Variants in SLC35F4 observed in about 807,000 individuals in gnomAD.
The protein encoded by SLC35F4 is solute carrier family 35 member F4, also known as chromosome 14 open reading frame 36.
SLC35F4 carries 24 observed loss-of-function variants against 44.2 expected under a neutral mutation model. The ratio of observed to expected loss-of-function variants is 0.54; its 90% CI spans 0.39 to 0.76. The LOEUF is 0.76. Among genes scored for constraint, SLC35F4 ranks in the 30% least tolerant of loss-of-function variants. SLC35F4 has a pLI of 0.00. For missense variants in SLC35F4, 562 were observed against 586.1 expected (o/e 0.96, Z 0.42); for synonymous variants, 238 against 223.6 (o/e 1.06, Z -0.57).
chr14:57,667,821 T>C (rs1428383274), intron 1 of SLC35F4, among the ~76,000 whole-genome samples: 4 of 151,282 alleles, frequency 2.6e-5, no homozygotes, highest in Non-Finnish European at 4.4e-5. Context: ...TATAGCAGCA[T>C]GATTTATAAT....
intron 1 of SLC35F4, among the ~76,000 whole-genome samples, chr14:57,935,684 G>T (rs540601813): frequency 6.6e-6 from 1 of 152,242 alleles, no homozygotes; most frequent in Non-Finnish European, 1.5e-5. Flanking sequence ...TTCAGATGTT[G>T]TTCTATTTGT....
At chr14:57,747,013 CACTTT>C (rs1419863101) in intron 1 of SLC35F4, among the ~76,000 whole-genome samples, 2 of 152,122 alleles carry the variant, frequency 1.3e-5, no homozygotes, top group Admixed American at 1.3e-4. Flanking sequence ...TGAGATAGTT[CACTTT>C]TTCTACATGA....
chr14:57,744,062 T>C (rs577147798), intron 1 of SLC35F4, among the ~76,000 whole-genome samples: 2 of 152,300 alleles, frequency 1.3e-5, no homozygotes, highest in South Asian at 2.1e-4. Context: ...AATTAGGTAT[T>C]GATGGGACGT....
chr14:57,920,523 T>C (rs1889420733), intron 1 of SLC35F4, among the ~76,000 whole-genome samples: 2 of 152,142 alleles, frequency 1.3e-5, no homozygotes, highest in African/African-American at 4.8e-5. Flanking sequence ...CAATGAGCAA[T>C]GATCACACGA....
At chr14:57,680,210 T>A (rs537360973) in intron 1 of SLC35F4, among the ~76,000 whole-genome samples, 25 of 152,262 alleles carry the variant, frequency 1.6e-4, no homozygotes, top group African/African-American at 6.0e-4. Context: ...GATGCAAGTC[T>A]GGTTCTACAT....
intron 1 of SLC35F4, among the ~76,000 whole-genome samples, chr14:57,813,241 A>G (rs1017999412): frequency 3.3e-5 from 5 of 152,212 alleles, no homozygotes. Flanking sequence ...GGCACTCTGC[A>G]GTATGGCCCT....
chr14:57,835,367 A>G (rs970350942), intron 1 of SLC35F4, among the ~76,000 whole-genome samples: 1 of 152,238 alleles, frequency 6.6e-6, no homozygotes. Context: ...CAGATAAAAC[A>G]GTGGATGGGA....
intron 1 of SLC35F4, among the ~76,000 whole-genome samples, chr14:57,624,576 T>C (rs558289949): frequency 6.6e-6 from 1 of 152,032 alleles, no homozygotes; most frequent in Non-Finnish European, 1.5e-5. Context: ...GAAAACCAAA[T>C]CCAGCAGCAC....
chr14:57,740,119 C>T (rs999649811), intron 1 of SLC35F4, among the ~76,000 whole-genome samples: 2 of 152,126 alleles, frequency 1.3e-5, no homozygotes, highest in Non-Finnish European at 1.5e-5. Flanking sequence ...CCTGGCCTCA[C>T]AAAGTGCTGG....
chr14:57,782,506 G>T (rs1488380877), intron 1 of SLC35F4, among the ~76,000 whole-genome samples: 4 of 152,128 alleles, frequency 2.6e-5, no homozygotes, highest in African/African-American at 9.7e-5. Context: ...TAAAATCTAT[G>T]GGTAAACAGA....
intron 1 of SLC35F4, among the ~76,000 whole-genome samples, chr14:57,628,753 G>C (rs1265634251): frequency 6.6e-6 from 1 of 152,058 alleles, no homozygotes; most frequent in African/African-American, 2.4e-5. Context: ...ACAATAATAA[G>C]AGTTTGGGCT....
At chr14:57,902,487 T>C (rs1050831894) in intron 1 of SLC35F4, among the ~76,000 whole-genome samples, 5 of 150,278 alleles carry the variant, frequency 3.3e-5, no homozygotes, top group Admixed American at 6.7e-5. Context: ...TGATTGAACC[T>C]GGGAGGTGGA....
At chr14:57,669,219 G>A (rs866891529) in intron 1 of SLC35F4, among the ~76,000 whole-genome samples, 1 of 151,916 alleles carries the variant, frequency 6.6e-6, no homozygotes, top group Non-Finnish European at 1.5e-5. Flanking sequence ...ATCAGCTTAA[G>A]GAGATTTTGG....
intron 1 of SLC35F4, among the ~76,000 whole-genome samples, chr14:57,702,813 T>A (rs2075575772): frequency 6.6e-6 from 1 of 152,110 alleles, no homozygotes; most frequent in South Asian, 2.1e-4. Context: ...ATTTTATGGA[T>A]GAGTATATTT....
intron 4 of SLC35F4, among the ~76,000 whole-genome samples, chr14:57,575,999 T>C (rs1020672060): frequency 1.9e-4 from 29 of 151,230 alleles, no homozygotes; most frequent in African/African-American, 7.0e-4. Context: ...TTTTTTTTTC[T>C]TTTTTCTTTT....
intron 1 of SLC35F4, among the ~76,000 whole-genome samples, chr14:57,937,734 T>C (rs1169100711): frequency 6.6e-6 from 1 of 151,974 alleles, no homozygotes; most frequent in Non-Finnish European, 1.5e-5. Flanking sequence ...TGAAGGAACT[T>C]GGAGGTGGGA....
chr14:57,795,115 C>T (rs1334507525), intron 1 of SLC35F4, among the ~76,000 whole-genome samples: 2 of 152,290 alleles, frequency 1.3e-5, no homozygotes, highest in Admixed American at 1.3e-4. Flanking sequence ...GTGCTTATCA[C>T]AGATGTTGGG....
chr14:57,589,620 A>C (rs972890683), intron 2 of SLC35F4, 107 bp from the exon 3 acceptor site: 8 of 1,151,520 alleles, frequency 6.9e-6, no homozygotes, highest in Non-Finnish European at 8.3e-6. Context: ...GGCAGACAGT[A>C]GAATTACCAG....
At chr14:57,652,228 C>T (rs545691397) in intron 1 of SLC35F4, among the ~76,000 whole-genome samples, 1 of 152,134 alleles carries the variant, frequency 6.6e-6, no homozygotes, top group Non-Finnish European at 1.5e-5. Context: ...CTGAACTCCA[C>T]AGAGCTAGAA....
Sources: gnomAD v4.1 joint callset for allele counts (sites outside exome capture counted in the v4.1 genomes callset) on GRCh38, gnomAD v4.1.1 for gene constraint, MANE v1.5 for transcripts, NCBI Gene and HGNC (gene_info 2026-07-23, HGNC 2026-07-21) for gene names.